The following APOBEC3H variants were observed in gnomAD, a reference collection of about 807,000 sequenced individuals.
The protein encoded by APOBEC3H is apolipoprotein B mRNA editing enzyme catalytic subunit 3H, also known as DNA dC->dU-editing enzyme APOBEC-3H.
Under a neutral mutation model 21.2 loss-of-function variants are expected in APOBEC3H, and 8 were observed. The observed-to-expected ratio is 0.38, with a 90% CI of 0.22 to 0.68. The LOEUF is 0.68. APOBEC3H is among the 30% of genes least tolerant of loss of function. APOBEC3H has a pLI of 0.52. For missense variants in APOBEC3H, 229 were observed against 228.1 expected, an observed-to-expected ratio of 1.00 and a Z score of -0.03; for synonymous variants, 88 against 91.0, an observed-to-expected ratio of 0.97 and a Z score of 0.19.
intron 4 of APOBEC3H, chr22:39,102,447 G>T: frequency 1.4e-6 from 1 of 712,120 alleles, no homozygotes; most frequent in South Asian, 1.5e-5. Context: ...ACCGTGCCCC[G>T]CCCCACTACC....
At chr22:39,101,142 CCATCCCCGCCCCCGT>C in intron 2 of APOBEC3H, 80 bp from the exon 3 acceptor site, 1 of 380,614 alleles carries the variant, frequency 2.6e-6, no homozygotes, top group Non-Finnish European at 5.0e-6. Context: ...CTCTGCCCCC[CCATCCCCGCCCCCGT>C]CCCGGCCCCC....
chr22:39,101,993 A>T lies in APOBEC3H; in HGVS notation c.494A>T (p.Glu165Val). Residue 165 changes from glutamate to valine, a missense_variant, in exon 4 of 5, where the codon GAG becomes GTG. Transcript: ENST00000442487. ...TTCAACCCCTATAAGATGTTAGAGG[A>T]GCTAGATAAAAACAGTCGAGCCATA... is the stretch of plus-strand genomic sequence containing the variant. ...LSFNPYKMLE[E>V]LDKNSRAIKR... 6.2e-7 allele frequency: 1 copy of T among 1,613,678 alleles called. No individual in the cohort carries two copies. The highest frequency in any genetic ancestry group is 8.5e-7 in the Non-Finnish European group (1 of 1,179,864).
Position 39,101,902 on chromosome 22 carries a change from C to T in APOBEC3H, c.419-16C>T. ...GCTGCCCCTGGGGCCTGGCTGGTTT[C>T]CCTCTTCCCTCTCAGAGTTTGCTGA... On this transcript the variant is annotated splice_polypyrimidine_tract_variant and intron_variant, in intron 3 of 4. Transcript: ENST00000442487. The T allele has an allele frequency of 6.2e-7, 1 of 1,613,844 alleles. No homozygotes were observed. Among genetic ancestry groups the T allele is most frequent in the Non-Finnish European group, 8.5e-7 (1 of 1,179,870 alleles).
intron 2 of APOBEC3H, 103 bp from the exon 3 acceptor site, chr22:39,101,134 C>CAG: frequency 2.3e-6 from 1 of 442,248 alleles, no homozygotes. Flanking sequence ...ACAGACCCCT[C>CAG]TGCCCCCCCA....
chr22:39,100,115 G>A (rs1176801043), intron 1 of APOBEC3H, among the ~76,000 whole-genome samples, 157 bp from the exon 2 acceptor site: 1 of 152,228 alleles, frequency 6.6e-6, no homozygotes, highest in Admixed American at 6.5e-5. Flanking sequence ...GGAGGTTGCA[G>A]TGAGCCAAGA....
At position 39,101,284 on chromosome 22, in the gene APOBEC3H, G is replaced by A; in HGVS notation, c.198G>A (p.Met66Ile). 1.2e-6 allele frequency: 2 copies of A among 1,613,596 alleles called. No homozygotes were observed. Among genetic ancestry groups the A allele is most frequent in the Non-Finnish European group, 1.7e-6 (2 of 1,179,936 alleles). ...EICFINEIKS[M>I]GLDETQCYQV... Reference sequence around the variant, plus strand: ...GCTTTATTAACGAGATCAAGTCCATGGGACTGGACGAAACGCAGTGCTACC... The same window carrying A: ...GCTTTATTAACGAGATCAAGTCCATAGGACTGGACGAAACGCAGTGCTACC... The change falls in exon 3 of 5, where the codon ATG (methionine) becomes ATA (isoleucine). Residue 66 changes from methionine (M) to isoleucine (I), a missense_variant. By Grantham distance (10) the Met-to-Ile change is conservative. Transcript: ENST00000442487.
chr22:39,097,913 G>A (rs1273704834), intron 1 of APOBEC3H, among the ~76,000 whole-genome samples: 8 of 139,088 alleles, frequency 5.8e-5, no homozygotes, highest in East Asian at 2.1e-4. Context: ...CACATTCACC[G>A]TTTATAATGA....
intron 1 of APOBEC3H, among the ~76,000 whole-genome samples, chr22:39,097,802 T>C (rs1929088493): frequency 1.3e-5 from 2 of 152,178 alleles, no homozygotes; most frequent in African/African-American, 4.8e-5. Context: ...CAATGATCTC[T>C]GAAGCACAAG....
chr22:39,101,050 G>C (rs1929285536), intron 2 of APOBEC3H, among the ~76,000 whole-genome samples, 187 bp from the exon 3 acceptor site: 1 of 152,056 alleles, frequency 6.6e-6, no homozygotes, highest in Non-Finnish European at 1.5e-5. Flanking sequence ...GTGCAGGGCT[G>C]TATAAACCAG....
At position 39,100,406 on chromosome 22, in the gene APOBEC3H, C is replaced by A; in HGVS notation, c.128C>A (p.Thr43Lys). ...ACGCCGCAGAATGGCTCCACGCCCA[C>A]GAGAGGCTACTTTGAAAACAAGGTG... ...QLTPQNGSTP[T>K]RGYFENKKKC... The change falls in exon 2 of 5, where the codon ACG (threonine) becomes AAG (lysine). Residue 43 changes from threonine (T) to lysine (K), a missense_variant. Thr to Lys is a moderately conservative substitution (Grantham distance 78, BLOSUM62 -1). Transcript: ENST00000442487. 2 of 1,613,966 alleles carry A rather than the reference C, an allele frequency of 1.2e-6. No individual in the cohort carries two copies. Among genetic ancestry groups the A allele is most frequent in the Non-Finnish European group, 1.7e-6 (2 of 1,179,940 alleles).
At chr22:39,100,136 G>C (rs1200262766) in intron 1 of APOBEC3H, 136 bp from the exon 2 acceptor site, 1 of 903,662 alleles carries the variant, frequency 1.1e-6, no homozygotes, top group East Asian at 2.5e-5. Flanking sequence ...TCGGGCCACT[G>C]CACTCCAGCC....
Position 39,100,309 on chromosome 22 carries a change from T to C in APOBEC3H, c.31T>C (p.Leu11=), listed in dbSNP as rs777865663. The C allele has an allele frequency of 1.2e-6, 2 of 1,601,604 alleles. No individual in the cohort carries two copies. The highest frequency in any genetic ancestry group is 4.5e-5 in the East Asian group (2 of 44,600). The part of the protein sequence containing the change: MALLTAETFR[L]QFNNKRRLRR... ...TCTGTTAACAGCCGAAACATTCCGC[T>C]TACAGTTTAACAACAAGCGCCGCCT... is the stretch of plus-strand genomic sequence containing the variant. Residue 11 remains leucine (L), a synonymous_variant, in exon 2 of 5, where the codon TTA becomes CTA. Coordinates refer to ENST00000442487, the MANE Select transcript of APOBEC3H (RefSeq NM_181773.5).
chr22:39,101,882 C>T, intron 3 of APOBEC3H, 36 bp from the exon 4 acceptor site: 1 of 1,613,690 alleles, frequency 6.2e-7, no homozygotes, highest in Non-Finnish European at 8.5e-7. Flanking sequence ...CAGCTGCTGC[C>T]CCTGGGGCCT....
At position 39,101,899 on chromosome 22, in the gene APOBEC3H, T is replaced by C. The variant is rs1601538945; in HGVS notation, c.419-19T>C. ...GCTGCTGCCCCTGGGGCCTGGCTGGTTTCCCTCTTCCCTCTCAGAGTTTGC... is the reference window on the plus strand; with the variant it reads ...GCTGCTGCCCCTGGGGCCTGGCTGGCTTCCCTCTTCCCTCTCAGAGTTTGC... On this transcript the variant is annotated intron_variant, in intron 3 of 4. Coordinates refer to ENST00000442487, the MANE Select transcript of APOBEC3H (RefSeq NM_181773.5). The C allele has an allele frequency of 6.2e-7, 1 of 1,613,626 alleles. No individual in the cohort carries two copies. The highest frequency in any genetic ancestry group is 1.3e-5 in the African/African-American group (1 of 74,836).
intron 1 of APOBEC3H, among the ~76,000 whole-genome samples, chr22:39,098,847 C>G (rs1008327476): frequency 1.3e-5 from 2 of 152,164 alleles, no homozygotes; most frequent in African/African-American, 4.8e-5. Context: ...ATCAATCAGA[C>G]AGGCCAAAGA....
chr22:39,102,102 CCA>C, intron 4 of APOBEC3H, 60 bp downstream of exon 4: 1 of 1,586,962 alleles, frequency 6.3e-7, no homozygotes, highest in South Asian at 1.1e-5. Context: ...AGCCCCATAC[CCA>C]GTCACACCTC....
chr22:39,103,432 A>G (rs6001434), intron 4 of APOBEC3H, among the ~76,000 whole-genome samples: 10 of 152,390 alleles, frequency 6.6e-5, no homozygotes, highest in African/African-American at 2.4e-4. Context: ...TCTGAAAAGC[A>G]GATGCAACCA....
chr22:39,100,752 A>ACGGT (rs1341582630), intron 2 of APOBEC3H, among the ~76,000 whole-genome samples: 1 of 152,108 alleles, frequency 6.6e-6, no homozygotes, highest in African/African-American at 2.4e-5. Flanking sequence ...GTGCCGTGCC[A>ACGGT]CGGTCCGAGT....
rs1380644847 is a variant in APOBEC3H, at chr22:39,100,405, A to T, written c.127A>T (p.Thr43Ser). ...GACGCCGCAGAATGGCTCCACGCCC[A>T]CGAGAGGCTACTTTGAAAACAAGGT... ...QLTPQNGSTP[T>S]RGYFENKKKC... The change falls in exon 2 of 5, where the codon ACG (threonine) becomes TCG (serine). Residue 43 changes from threonine (T) to serine (S), a missense_variant. Coordinates refer to ENST00000442487, the MANE Select transcript of APOBEC3H (RefSeq NM_181773.5). 3.7e-6 allele frequency: 6 copies of T among 1,613,840 alleles called. No homozygotes were observed. Among genetic ancestry groups the T allele is most frequent in the Non-Finnish European group, 4.2e-6 (5 of 1,179,934 alleles).
Sources: allele counts gnomAD v4.1 joint callset (sites outside exome capture counted in the v4.1 genomes callset), GRCh38; gene constraint gnomAD v4.1.1; transcripts MANE v1.5; gene names NCBI Gene and HGNC (gene_info 2026-07-23, HGNC 2026-07-21).